Variants in RBFOX1 observed in about 807,000 individuals in gnomAD.
The protein encoded by RBFOX1 is RNA binding protein fox-1 homolog 1.
A neutral mutation model predicts 57.7 loss-of-function variants in RBFOX1; 8 were observed. The ratio of observed to expected loss-of-function variants is 0.14; its 90% CI spans 0.08 to 0.25. RBFOX1 has a LOEUF of 0.25. Among genes scored for constraint, RBFOX1 ranks in the 10% least tolerant of loss-of-function variants. The probability of loss-of-function intolerance (pLI) is 1.00; values close to 1 mark genes in which losing one functional copy is unlikely to be tolerated. For missense variants in RBFOX1, 611 were observed against 548.5 expected, an observed-to-expected ratio of 1.11 and a Z score of -1.14; for synonymous variants, 326 against 222.4, an observed-to-expected ratio of 1.47 and a Z score of -4.15.
chr16:7,411,436 T>C (rs1185744853), intron 4 of RBFOX1, among the ~76,000 whole-genome samples: 2 of 152,192 alleles, frequency 1.3e-5, no homozygotes, highest in African/African-American at 4.8e-5. Flanking sequence ...GACAGGGCCC[T>C]AACAGACTTA....
At chr16:6,900,792 C>T (rs1226589540) in intron 3 of RBFOX1, among the ~76,000 whole-genome samples, 1 of 152,198 alleles carries the variant, frequency 6.6e-6, no homozygotes, top group African/African-American at 2.4e-5. Context: ...CTTCACAGCA[C>T]ACAATGCCAT....
At chr16:6,982,799 C>G (rs764794101) in intron 3 of RBFOX1, among the ~76,000 whole-genome samples, 5 of 152,004 alleles carry the variant, frequency 3.3e-5, no homozygotes. Flanking sequence ...TCAAGACCAG[C>G]CTGGCCAACA....
intron 3 of RBFOX1, among the ~76,000 whole-genome samples, chr16:5,751,757 G>C (rs570988323): frequency 6.6e-6 from 1 of 152,206 alleles, no homozygotes; most frequent in Non-Finnish European, 1.5e-5. Flanking sequence ...AAATTGAGAT[G>C]GTTTAGTGTT....
chr16:5,555,679 G>T (rs1300324049), intron 2 of RBFOX1, among the ~76,000 whole-genome samples: 2 of 152,046 alleles, frequency 1.3e-5, no homozygotes, highest in African/African-American at 4.8e-5. Flanking sequence ...AGGATTGAGG[G>T]CAGAGACGGG....
intron 3 of RBFOX1, among the ~76,000 whole-genome samples, chr16:6,680,071 C>A (rs887908001): frequency 2.0e-5 from 3 of 151,848 alleles, no homozygotes; most frequent in Non-Finnish European, 4.4e-5. Flanking sequence ...TTGAGGAAAT[C>A]TGAAGAGATT....
At chr16:5,570,303 C>A (rs1413118086) in intron 2 of RBFOX1, among the ~76,000 whole-genome samples, 1 of 152,114 alleles carries the variant, frequency 6.6e-6, no homozygotes, top group African/African-American at 2.4e-5. Flanking sequence ...GCTGTGTTCC[C>A]TGAACCTCCA....
At chr16:5,545,219 C>G (rs932682886) in intron 2 of RBFOX1, among the ~76,000 whole-genome samples, 3 of 152,062 alleles carry the variant, frequency 2.0e-5, no homozygotes, top group African/African-American at 7.2e-5. Flanking sequence ...CTCAGGTGAT[C>G]CAACCGCCTT....
At chr16:6,889,272 C>T (rs1490991780) in intron 3 of RBFOX1, among the ~76,000 whole-genome samples, 1 of 152,210 alleles carries the variant, frequency 6.6e-6, no homozygotes, top group Non-Finnish European at 1.5e-5. Context: ...AGCCCCATGG[C>T]TTGCTTTGAC....
chr16:7,699,143 G>T (rs1236965956), intron 14 of RBFOX1, among the ~76,000 whole-genome samples: 1 of 152,124 alleles, frequency 6.6e-6, no homozygotes, highest in Admixed American at 6.6e-5. Flanking sequence ...CCAGATAATT[G>T]TAATAGAAAA....
At chr16:7,674,046 G>T (rs915046534) in intron 13 of RBFOX1, among the ~76,000 whole-genome samples, 1 of 152,120 alleles carries the variant, frequency 6.6e-6, no homozygotes, top group African/African-American at 2.4e-5. Context: ...TCACCTGTTA[G>T]GAAAATTAAA....
At chr16:6,507,829 T>TG (rs1254627271) in intron 2 of RBFOX1, among the ~76,000 whole-genome samples, 1 of 150,742 alleles carries the variant, frequency 6.6e-6, no homozygotes, top group Non-Finnish European at 1.5e-5. Flanking sequence ...GAGGGGGGAA[T>TG]GGGGAATGGG....
intron 3 of RBFOX1, among the ~76,000 whole-genome samples, chr16:7,038,968 C>T (rs1004726803): frequency 5.3e-5 from 8 of 152,176 alleles, no homozygotes; most frequent in African/African-American, 1.7e-4. Flanking sequence ...ACTTGAATCT[C>T]TCCAGTGACT....
At chr16:6,823,572 T>C (rs1287310037) in intron 3 of RBFOX1, among the ~76,000 whole-genome samples, 1 of 152,170 alleles carries the variant, frequency 6.6e-6, no homozygotes, top group Non-Finnish European at 1.5e-5. Context: ...ATGAAATTCT[T>C]ATAAGGGAGT....
At chr16:6,800,114 A>G (rs182761026) in intron 3 of RBFOX1, among the ~76,000 whole-genome samples, 15 of 152,208 alleles carry the variant, frequency 9.9e-5, no homozygotes, top group Admixed American at 9.2e-4. Context: ...TCTTATGCAG[A>G]TGTATTATCG....
chr16:7,693,489 AAAG>A, intron 14 of RBFOX1: 1 of 760,338 alleles, frequency 1.3e-6, no homozygotes, highest in Admixed American at 2.5e-5. Context: ...GAAAAAAAAA[AAAG>A]ATCTTATATC....
chr16:7,405,426 G>A (rs1263403130), intron 4 of RBFOX1, among the ~76,000 whole-genome samples: 1 of 152,164 alleles, frequency 6.6e-6, no homozygotes, highest in Admixed American at 6.5e-5. Context: ...AGAACATTGA[G>A]CGGAGCTGAG....
rs186254960 is a variant in RBFOX1, at chr16:7,014,372, C to T, written c.-15-37685C>T. Among the ~76,000 whole-genome samples, 431 of 151,542 alleles carry T rather than the reference C, an allele frequency of 2.8e-3. 1 individual carries two copies. The highest frequency in any genetic ancestry group is 4.6e-3 in the South Asian group (22 of 4,808). ...GGATTACAGTCATGCATCACCACGC[C>T]TGGCTTTTTTTTATTTTTATTTTTT... On this transcript the variant is annotated intron_variant, in intron 3 of 15. Transcript: ENST00000550418.
In RBFOX1 at chr16:6,097,714, C is replaced by G. The variant is rs1369633061; in HGVS notation, c.-127+77722C>G. On this transcript the variant is annotated intron_variant, in intron 1 of 15. Coordinates refer to ENST00000550418, the MANE Select transcript of RBFOX1 (RefSeq NM_018723.4). This position sits in a 1 kb window ranked among gnomAD's most constrained non-coding sequence, Gnocchi z 5.0. The stretch of plus-strand genomic sequence containing the variant: ...CTTGTGAATCTGGAGCCCATAGACT[C>G]AACTCCTGTGCTATACTGCCTCTGT... Among the ~76,000 whole-genome samples, 2 of 151,814 alleles carry G rather than the reference C, an allele frequency of 1.3e-5. No homozygotes were observed. Among genetic ancestry groups the G allele is most frequent in the Non-Finnish European group, 2.9e-5 (2 of 67,984 alleles).
intron 4 of RBFOX1, among the ~76,000 whole-genome samples, chr16:7,191,825 G>A (rs1471537679): frequency 1.3e-5 from 2 of 152,310 alleles, no homozygotes; most frequent in African/African-American, 2.4e-5. Context: ...TAACCATTGA[G>A]GCGAAAGAGT....
Sources: gnomAD v4.1 joint callset for allele counts (sites outside exome capture counted in the v4.1 genomes callset) on GRCh38, gnomAD v4.1.1 for gene constraint, Gnocchi (gnomAD v3.1) non-coding constraint, MANE v1.5 for transcripts, NCBI Gene and HGNC (gene_info 2026-07-23, HGNC 2026-07-21) for gene names.